Variants in USP7 observed in about 807,000 individuals in gnomAD.
USP7 encodes ubiquitin C-terminal hydrolase 7.
A neutral mutation model predicts 162.9 loss-of-function variants in USP7; 9 were observed. The observed-to-expected ratio is 0.06, with a 90% CI of 0.03 to 0.10. The LOEUF (loss-of-function observed/expected upper bound fraction) is 0.10, where lower values mean the gene tolerates loss of function less well. USP7 is among the 10% of genes least tolerant of loss of function. The pLI is 1.00. For missense variants in USP7, 715 were observed against 1,373.7 expected, an observed-to-expected ratio of 0.52 and a Z score of 7.58; for synonymous variants, 562 against 475.9, an observed-to-expected ratio of 1.18 and a Z score of -2.35.
At position 8,895,132 on chromosome 16, in the gene USP7, C is replaced by G. The variant is rs1435939941; in HGVS notation, c.2938G>C (p.Val980Leu). 1 of 1,614,262 alleles carries G rather than the reference C, an allele frequency of 6.2e-7. No individual in the cohort carries two copies. The highest frequency in any genetic ancestry group is 8.5e-7 in the Non-Finnish European group (1 of 1,180,050). The change falls in exon 28 of 31, where the codon GTG (valine) becomes CTG (leucine). Residue 980 changes from valine to leucine, a missense_variant. By Grantham distance (32) the Val-to-Leu change is conservative. Coordinates refer to ENST00000344836, the MANE Select transcript of USP7 (RefSeq NM_003470.3). ...FRIEEIPLDQ[V>L]DIDKENEMLV... is the part of the protein sequence containing the mutation. ...ATCTCATTCTCTTTGTCTATGTCCA[C>G]CTGGTCCAAAGGGATTTCCTGGGGA...
At chr16:8,929,646 T>G (rs570727945) in intron 2 of USP7, 6 of 453,350 alleles carry the variant, frequency 1.3e-5, no homozygotes, top group African/African-American at 1.0e-4. Flanking sequence ...CTGCAATTAC[T>G]GGCTGCTCCC....
chr16:8,962,503 A>G, intron 1 of USP7: 1 of 452,096 alleles, frequency 2.2e-6, no homozygotes, highest in Non-Finnish European at 4.5e-6. Context: ...ATTCTGATGC[A>G]GGCAGCCATG....
intron 2 of USP7, among the ~76,000 whole-genome samples, chr16:8,927,152 C>G (rs960984248): frequency 2.0e-5 from 3 of 151,956 alleles, no homozygotes; most frequent in Admixed American, 6.6e-5. Flanking sequence ...GAAACCCCGG[C>G]TCTACTAAAA....
At chr16:8,919,968 A>C (rs1027686546) in intron 5 of USP7, among the ~76,000 whole-genome samples, 5 of 151,894 alleles carry the variant, frequency 3.3e-5, no homozygotes, top group Non-Finnish European at 7.4e-5. Flanking sequence ...GGTGATGCTC[A>C]CCTCTTCCCC....
At chr16:8,944,187 A>G (rs553742844) in intron 1 of USP7, among the ~76,000 whole-genome samples, 1 of 152,080 alleles carries the variant, frequency 6.6e-6, no homozygotes, top group African/African-American at 2.4e-5. Context: ...GGGAATATGC[A>G]TTACTCTTAA....
intron 30 of USP7, 21 bp downstream of exon 30, chr16:8,894,529 C>T (rs201033241): frequency 2.0e-6 from 3 of 1,488,044 alleles, no homozygotes; most frequent in Middle Eastern, 2.4e-4. Flanking sequence ...CACCAGCCCC[C>T]GGGGGGGGGA....
intron 3 of USP7, among the ~76,000 whole-genome samples, 181 bp from the exon 4 acceptor site, chr16:8,921,476 G>C (rs953682861): frequency 1.1e-4 from 17 of 152,218 alleles, no homozygotes; most frequent in African/African-American, 3.6e-4. Context: ...TGGGTGTTTG[G>C]GGCTCCCCCA....
chr16:8,897,027 G>A lies in USP7; in HGVS notation c.2791C>T (p.Leu931Phe). 1 of 1,614,116 alleles carries A rather than the reference G, an allele frequency of 6.2e-7. No individual in the cohort carries two copies. Among genetic ancestry groups the A allele is most frequent in the East Asian group, 2.2e-5 (1 of 44,884 alleles). The change falls in exon 26 of 31, where the codon CTT (leucine) becomes TTT (phenylalanine). Residue 931 changes from leucine to phenylalanine, a missense_variant. This residue lies in a region of USP7 where 222 missense variants were observed against 441.7 expected (regional missense o/e 0.50). Coordinates refer to ENST00000344836, the MANE Select transcript of USP7 (RefSeq NM_003470.3). ...AGTTTCCCTGATGCTTTCTCCCCAA[G>A]CTCCACGGCCTTTTTACATTCTTCT... ...LLEECKKAVELGEKASGKLRL... is the reference protein window; with the variant it reads ...LLEECKKAVEFGEKASGKLRL...
Position 8,957,774 on chromosome 16 carries a change from C to A in USP7, c.79+5433G>T, listed in dbSNP as rs568252967. Among the ~76,000 whole-genome samples, 380 of 146,870 alleles carry A rather than the reference C, an allele frequency of 2.6e-3. 2 individuals carry two copies. Among genetic ancestry groups the A allele is most frequent in the African/African-American group, 7.3e-3 (287 of 39,182 alleles). On this transcript the variant is annotated intron_variant, in intron 1 of 30. Transcript: ENST00000344836. ...CCTGTCTCTTAAATTAAAAAAAAAACAAAAAAAAATTAAAAACACAAAAAC... is the reference window on the plus strand; with the variant it reads ...CCTGTCTCTTAAATTAAAAAAAAAAAAAAAAAAAATTAAAAACACAAAAAC...
chr16:8,950,306 C>G (rs2141260726), intron 1 of USP7, among the ~76,000 whole-genome samples: 1 of 151,416 alleles, frequency 6.6e-6, no homozygotes, highest in Middle Eastern at 3.4e-3. Flanking sequence ...ATTTTCTGCT[C>G]TAAAAAAAAA....
At chr16:8,910,299 G>A (rs972520478) in intron 11 of USP7, among the ~76,000 whole-genome samples, 2 of 152,230 alleles carry the variant, frequency 1.3e-5, no homozygotes, top group Admixed American at 6.5e-5. Context: ...AAACCTGGGG[G>A]ACACAACCCT....
intron 2 of USP7, among the ~76,000 whole-genome samples, chr16:8,925,807 T>C (rs1702540314): frequency 6.6e-6 from 1 of 152,196 alleles, no homozygotes; most frequent in South Asian, 2.1e-4. Flanking sequence ...ACTTCGGGTG[T>C]ATTAAAATTT....
At chr16:8,908,544 C>G (rs1478092065) in intron 11 of USP7, 94 bp from the exon 12 acceptor site, 3 of 960,092 alleles carry the variant, frequency 3.1e-6, no homozygotes, top group Non-Finnish European at 4.7e-6. Context: ...TGGAACATGT[C>G]TGGAGACTCT....
chr16:8,939,142 G>T (rs1436205978), intron 1 of USP7, among the ~76,000 whole-genome samples: 3 of 152,174 alleles, frequency 2.0e-5, no homozygotes, highest in Non-Finnish European at 4.4e-5. Context: ...CGTGTATTTA[G>T]TTCTCTACAA....
At position 8,892,933 on chromosome 16, in the gene USP7, C is replaced by CA. The variant is rs2061621782; in HGVS notation, c.*1064dup. The CA allele has an allele frequency of 6.6e-6, 1 of 152,088 alleles. No individual in the cohort carries two copies. The highest frequency in any genetic ancestry group is 2.1e-4 in the South Asian group (1 of 4,816). The allele number at this position is 152,088 out of a possible 1,614,324, so 9.4% of individuals were successfully genotyped here. ...TTTGCTGATTCTATTTTACTGCACTCAAAACTAGACACGCAGCTGGCATTA... is the reference window on the plus strand; with the variant it reads ...TTTGCTGATTCTATTTTACTGCACTCAAAAACTAGACACGCAGCTGGCATTA... On this transcript the variant is annotated 3_prime_UTR_variant, in exon 31 of 31. Coordinates refer to ENST00000344836, the MANE Select transcript of USP7 (RefSeq NM_003470.3).
intron 1 of USP7, among the ~76,000 whole-genome samples, chr16:8,931,172 CA>C (rs1408297242): frequency 7.9e-5 from 12 of 151,378 alleles, no homozygotes; most frequent in African/African-American, 2.7e-4. Context: ...TAAACGTTTT[CA>C]TCATGAACAC....
At chr16:8,934,284 C>A (rs1898550708) in intron 1 of USP7, among the ~76,000 whole-genome samples, 1 of 152,132 alleles carries the variant, frequency 6.6e-6, no homozygotes, top group African/African-American at 2.4e-5. Context: ...CTCTGTAATT[C>A]TGAGGTACAG....
At chr16:8,948,661 G>A (rs769020407) in intron 1 of USP7, among the ~76,000 whole-genome samples, 1 of 152,192 alleles carries the variant, frequency 6.6e-6, no homozygotes. Context: ...CGAGAAAAGG[G>A]AACGACTACT....
chr16:8,938,711 A>AAC (rs57805344), intron 1 of USP7, among the ~76,000 whole-genome samples: 1 of 20,204 alleles, frequency 4.9e-5, no homozygotes, highest in African/African-American at 1.6e-3. Context: ...ACTCCGTCTC[A>AAC]AAAAAAAAAA....
Sources: gnomAD v4.1 joint callset for allele counts (sites outside exome capture counted in the v4.1 genomes callset) on GRCh38, gnomAD v4.1.1 for gene constraint, gnomAD v4.1.1 regional missense constraint, MANE v1.5 for transcripts, NCBI Gene and HGNC (gene_info 2026-07-23, HGNC 2026-07-21) for gene names.